The following CDH12 variants were observed in gnomAD, a reference collection of about 807,000 sequenced individuals.
CDH12 encodes the protein cadherin-12.
A neutral mutation model predicts 74.1 loss-of-function variants in CDH12; 41 were observed. The observed-to-expected ratio is 0.55, with a 90% CI of 0.43 to 0.72. The LOEUF is 0.72. Among genes scored for constraint, CDH12 ranks in the 30% least tolerant of loss-of-function variants. The probability of loss-of-function intolerance (pLI) is 0.00; values close to 1 mark genes in which losing one functional copy is unlikely to be tolerated. For missense variants in CDH12, 945 were observed against 977.2 expected (o/e 0.97, Z 0.44); for synonymous variants, 399 against 355.0 (o/e 1.12, Z -1.39).
intron 2 of CDH12, among the ~76,000 whole-genome samples, chr5:22,465,266 A>G (rs905430332): frequency 1.3e-5 from 2 of 152,120 alleles, no homozygotes; most frequent in Admixed American, 6.5e-5. Flanking sequence ...CTGTCTCCCA[A>G]ATTTATAACT....
At chr5:22,311,568 G>A (rs963032264) in intron 3 of CDH12, among the ~76,000 whole-genome samples, 2 of 152,066 alleles carry the variant, frequency 1.3e-5, no homozygotes, top group African/African-American at 4.8e-5. Context: ...CTGACGTGGT[G>A]GCACATGCTT....
chr5:22,165,924 A>C (rs1237991448), intron 4 of CDH12, among the ~76,000 whole-genome samples: 3 of 152,208 alleles, frequency 2.0e-5, no homozygotes, highest in Non-Finnish European at 2.9e-5. Context: ...GAATAATCTG[A>C]ATAATCTACC....
chr5:22,457,443 G>A (rs1160730427), intron 2 of CDH12, among the ~76,000 whole-genome samples: 1 of 146,406 alleles, frequency 6.8e-6, no homozygotes, highest in South Asian at 2.2e-4. Context: ...TTTTTGAGAT[G>A]GAGTCTCTCT....
At chr5:21,984,811 A>G (rs1028618695) in intron 5 of CDH12, among the ~76,000 whole-genome samples, 2 of 152,180 alleles carry the variant, frequency 1.3e-5, no homozygotes, top group African/African-American at 4.8e-5. Flanking sequence ...TCTAGATTAA[A>G]CCATTCTCAA....
At chr5:22,214,254 G>A (rs1275431146) in intron 3 of CDH12, among the ~76,000 whole-genome samples, 1 of 152,102 alleles carries the variant, frequency 6.6e-6, no homozygotes, top group Non-Finnish European at 1.5e-5. Context: ...TGGGGCTGTA[G>A]CCTCCCATGC....
At chr5:22,023,488 T>C (rs1669543751) in intron 5 of CDH12, among the ~76,000 whole-genome samples, 1 of 152,056 alleles carries the variant, frequency 6.6e-6, no homozygotes, top group South Asian at 2.1e-4. Flanking sequence ...TCTCTATATT[T>C]ATCTGTCTAT....
intron 1 of CDH12, among the ~76,000 whole-genome samples, chr5:22,825,535 GT>G (rs576328807): frequency 5.6e-4 from 86 of 152,298 alleles, no homozygotes; most frequent in Middle Eastern, 3.4e-3. Flanking sequence ...ATTTTGTCTG[GT>G]TTGATTAAGA....
chr5:22,143,396 G>T (rs1174977961), intron 4 of CDH12: 3 of 139,468 alleles, frequency 2.2e-5, no homozygotes, highest in Admixed American at 7.4e-5. Flanking sequence ...TTGAGATGGA[G>T]TCTCACTCTG....
At chr5:21,767,280 C>G (rs1745079001) in intron 11 of CDH12, among the ~76,000 whole-genome samples, 1 of 151,668 alleles carries the variant, frequency 6.6e-6, no homozygotes, top group Non-Finnish European at 1.5e-5. Flanking sequence ...ATATCTTCCA[C>G]AGGGGACAGG....
At chr5:22,247,466 G>T (rs1184486277) in intron 3 of CDH12, among the ~76,000 whole-genome samples, 1 of 152,072 alleles carries the variant, frequency 6.6e-6, no homozygotes. Flanking sequence ...CACGAGGTCA[G>T]GAGTTCGAGA....
intron 5 of CDH12, among the ~76,000 whole-genome samples, chr5:22,055,539 C>T (rs986241796): frequency 6.6e-6 from 1 of 152,048 alleles, no homozygotes; most frequent in Non-Finnish European, 1.5e-5. Context: ...CCCTAGGAAG[C>T]TTACTGTATT....
chr5:22,374,453 AG>A (rs1180168141), intron 3 of CDH12, among the ~76,000 whole-genome samples: 85 of 152,298 alleles, frequency 5.6e-4, no homozygotes, highest in Middle Eastern at 3.4e-3. Flanking sequence ...TGGAAATCCT[AG>A]CCACAGCAAT....
At chr5:22,843,094 T>C (rs780518670) in intron 1 of CDH12, among the ~76,000 whole-genome samples, 15 of 152,248 alleles carry the variant, frequency 9.9e-5, no homozygotes, top group Non-Finnish European at 1.9e-4. Context: ...TTACAAAAAT[T>C]TGTTAAATAA....
chr5:22,753,928 C>T (rs917664503), intron 1 of CDH12, among the ~76,000 whole-genome samples: 1 of 152,018 alleles, frequency 6.6e-6, no homozygotes, highest in Non-Finnish European at 1.5e-5. Context: ...ATGCCTATTC[C>T]TTCATTTTTC....
intron 1 of CDH12, among the ~76,000 whole-genome samples, chr5:22,830,908 G>A (rs541287511): frequency 2.6e-5 from 4 of 151,328 alleles, no homozygotes; most frequent in Admixed American, 6.6e-5. Context: ...ACTTAAATAT[G>A]CTAAAAAATG....
chr5:22,121,259 C>T (rs547068607), intron 4 of CDH12, among the ~76,000 whole-genome samples: 1 of 152,244 alleles, frequency 6.6e-6, no homozygotes, highest in South Asian at 2.1e-4. Context: ...TAGTAAATGG[C>T]CTTGGAAGAT....
At chr5:22,353,061 A>G (rs1371389391) in intron 3 of CDH12, among the ~76,000 whole-genome samples, 1 of 152,186 alleles carries the variant, frequency 6.6e-6, no homozygotes, top group Admixed American at 6.6e-5. Context: ...ATTCTGGATT[A>G]CCATGACACA....
intron 1 of CDH12, among the ~76,000 whole-genome samples, chr5:22,780,722 C>T (rs1053038917): frequency 1.3e-5 from 2 of 152,098 alleles, no homozygotes; most frequent in African/African-American, 4.8e-5. Context: ...ACCATATCAG[C>T]TATAATCACA....
intron 4 of CDH12, among the ~76,000 whole-genome samples, chr5:22,110,920 C>A (rs919412748): frequency 6.6e-6 from 1 of 152,086 alleles, no homozygotes; most frequent in South Asian, 2.1e-4. Flanking sequence ...TAATTAAAGA[C>A]AACTTGAAGG....
Sources: allele counts gnomAD v4.1 joint callset (sites outside exome capture counted in the v4.1 genomes callset), GRCh38; gene constraint gnomAD v4.1.1; transcripts MANE v1.5; gene names NCBI Gene and HGNC (gene_info 2026-07-23, HGNC 2026-07-21).